The following KIF6 variants were observed in gnomAD, a reference collection of about 807,000 sequenced individuals.
KIF6 encodes kinesin family member 6, also known as kinesin-like protein KIF6.
KIF6 carries 106 observed loss-of-function variants against 112.7 expected under a neutral mutation model. The observed-to-expected ratio is 0.94, with a 90% CI of 0.80 to 1.11. The LOEUF is 1.11. Ranked by LOEUF, KIF6 falls within the 50% of genes least tolerant of loss-of-function variation. The probability of loss-of-function intolerance (pLI) is 0.00; values close to 1 mark genes in which losing one functional copy is unlikely to be tolerated. For synonymous variants in KIF6, 339 were observed against 339.9 expected, an observed-to-expected ratio of 1.00 and a Z score of 0.03; for missense variants, 929 against 964.0, an observed-to-expected ratio of 0.96 and a Z score of 0.48.
chr6:39,369,603 C>T (rs1765814720), intron 16 of KIF6, among the ~76,000 whole-genome samples: 2 of 152,154 alleles, frequency 1.3e-5, no homozygotes, highest in South Asian at 2.1e-4. Flanking sequence ...CCAAGGTTGT[C>T]CCCCAGGGAT....
intron 5 of KIF6, among the ~76,000 whole-genome samples, chr6:39,621,228 CACACGT>C (rs1433194124): frequency 2.2e-3 from 300 of 135,894 alleles, no homozygotes; most frequent in African/African-American, 6.9e-3. Flanking sequence ...CACACACACA[CACACGT>C]ACACATATAT....
intron 3 of KIF6, among the ~76,000 whole-genome samples, chr6:39,669,559 C>T (rs1786680696): frequency 6.6e-6 from 1 of 152,188 alleles, no homozygotes; most frequent in African/African-American, 2.4e-5. Flanking sequence ...TGTTACCATT[C>T]ATTCATAGCC....
intron 3 of KIF6, among the ~76,000 whole-genome samples, chr6:39,688,252 G>C (rs1466690110): frequency 6.6e-6 from 1 of 152,114 alleles, no homozygotes; most frequent in Non-Finnish European, 1.5e-5. Flanking sequence ...GAGGGCAGGA[G>C]GCAGGTTACT....
At chr6:39,392,495 T>C (rs1302090562) in intron 15 of KIF6, among the ~76,000 whole-genome samples, 1 of 152,244 alleles carries the variant, frequency 6.6e-6, no homozygotes, top group African/African-American at 2.4e-5. Context: ...TTGAGGATAC[T>C]TAACGAGATT....
At chr6:39,698,722 A>T (rs160033) in intron 3 of KIF6, among the ~76,000 whole-genome samples, 2 of 152,288 alleles carry the variant, frequency 1.3e-5, no homozygotes, top group African/African-American at 4.8e-5. Flanking sequence ...AGCCATTGGG[A>T]TTTTCTTATT....
chr6:39,534,802 C>A (rs13200342), intron 13 of KIF6, among the ~76,000 whole-genome samples: 35,892 of 152,008 alleles, frequency 0.24, 5,238 homozygotes, highest in African/African-American at 0.4. Flanking sequence ...ATGTTAAGGG[C>A]AGCCAGGGAG....
In KIF6 at chr6:39,420,150, G is replaced by A. The variant is rs1770247384; in HGVS notation, c.1755-147C>T. On this transcript the variant is annotated intron_variant, in intron 14 of 22. Coordinates refer to ENST00000287152, the MANE Select transcript of KIF6 (RefSeq NM_145027.6). ...AAATCTAAATAAGTAAAATATATTA[G>A]GCTTAAAAATAGAGAGAAAATTGGT... 4 of 622,894 alleles carry A rather than the reference G, an allele frequency of 6.4e-6. No individual in the cohort carries two copies. In the South Asian group the frequency reaches 8.3e-5, roughly 13 times the overall value. The allele number at this position is 622,894 out of a possible 1,614,324, so 38.6% of individuals were successfully genotyped here.
chr6:39,343,220 C>G lies in KIF6; in HGVS notation c.2428+489G>C. ...CCTGTTGTCTGACACGCCACTCTTACTTCCTCTGTGATTGTTATGGTGTCC... is the reference window on the plus strand; with the variant it reads ...CCTGTTGTCTGACACGCCACTCTTAGTTCCTCTGTGATTGTTATGGTGTCC... On this transcript the variant is annotated intron_variant, in intron 22 of 22. Transcript: ENST00000287152. The surrounding 1 kb of genome is among the most constrained non-coding windows in gnomAD (Gnocchi z 4.1). The G allele has an allele frequency of 1.6e-6, 2 of 1,230,882 alleles. No individual in the cohort carries two copies. The highest frequency in any genetic ancestry group is 2.1e-6 in the Non-Finnish European group (2 of 962,774). The allele number at this position is 1,230,882 out of a possible 1,614,324, so 76.2% of individuals were successfully genotyped here.
At chr6:39,698,688 T>C (rs1288570277) in intron 3 of KIF6, among the ~76,000 whole-genome samples, 1 of 152,228 alleles carries the variant, frequency 6.6e-6, no homozygotes, top group Non-Finnish European at 1.5e-5. Flanking sequence ...AAATAAATAT[T>C]CTTAACAAGC....
intron 13 of KIF6, among the ~76,000 whole-genome samples, chr6:39,483,404 C>A (rs1208824953): frequency 6.6e-6 from 1 of 152,166 alleles, no homozygotes; most frequent in African/African-American, 2.4e-5. Flanking sequence ...CACCCAGCTC[C>A]ACATTTGATT....
chr6:39,464,425 A>C (rs1773668959), intron 13 of KIF6, among the ~76,000 whole-genome samples: 1 of 152,224 alleles, frequency 6.6e-6, no homozygotes. Context: ...TGTCTGCTTT[A>C]GATCAGCCAG....
intron 13 of KIF6, among the ~76,000 whole-genome samples, chr6:39,499,283 G>A (rs1775969522): frequency 6.6e-6 from 1 of 152,140 alleles, no homozygotes; most frequent in Admixed American, 6.5e-5. Context: ...CTTCCTGGAG[G>A]TGGTGGCACA....
At chr6:39,650,702 T>C (rs1785423575) in intron 3 of KIF6, among the ~76,000 whole-genome samples, 1 of 152,038 alleles carries the variant, frequency 6.6e-6, no homozygotes, top group Non-Finnish European at 1.5e-5. Context: ...AACCACAAAA[T>C]TTTATACAAC....
intron 19 of KIF6, among the ~76,000 whole-genome samples, chr6:39,347,168 A>C (rs904709445): frequency 3.3e-5 from 5 of 152,246 alleles, no homozygotes; most frequent in Non-Finnish European, 7.3e-5. Flanking sequence ...GAAATTCTAA[A>C]GTTATCCAGC....
chr6:39,342,852 T>G lies in KIF6; in HGVS notation c.2428+857A>C. 4.1e-6 allele frequency: 4 copies of G among 985,364 alleles called. No individual in the cohort carries two copies. The highest frequency in any genetic ancestry group is 4.8e-6 in the Non-Finnish European group (4 of 829,906). The allele number at this position is 985,364 out of a possible 1,614,324, so 61.0% of individuals were successfully genotyped here. ...TGCACAAACCTCTTCCTGCCCAAAC[T>G]GCACACGGCTGGTGGAGAAGCTGAG... On this transcript the variant is annotated intron_variant, in intron 22 of 22. Coordinates refer to ENST00000287152, the MANE Select transcript of KIF6 (RefSeq NM_145027.6). The surrounding 1 kb of genome is among the most constrained non-coding windows in gnomAD (Gnocchi z 4.7).
At position 39,357,302 on chromosome 6, in the gene KIF6, A is replaced by G. The variant is rs20455; in HGVS notation, c.2155T>C (p.Trp719Arg). 622,475 of 1,611,174 alleles carry G rather than the reference A, an allele frequency of 0.39. 129,068 individuals carry two copies. Among genetic ancestry groups the G allele is most frequent in the African/African-American group, 0.8 (60,194 of 74,874 alleles). ...CTTTTGTTAGAGAGGAGTTGGGACC[A>G]TTCATGCTGGGAGTCAGATGTCTGG... is the stretch of plus-strand genomic sequence containing the variant. ...FLQTSDSQHE[W>R]SQLLSNKSSG... is the part of the protein sequence containing the mutation. The change falls in exon 19 of 23, where the codon TGG (tryptophan) becomes CGG (arginine). Residue 719 changes from tryptophan to arginine, a missense_variant. Physicochemically the swap from Trp to Arg is moderately radical, Grantham distance 101. This residue lies in a region of KIF6 where 241 missense variants were observed against 301.4 expected (regional missense o/e 0.80). Coordinates refer to ENST00000287152, the MANE Select transcript of KIF6 (RefSeq NM_145027.6).
intron 3 of KIF6, 125 bp from the exon 4 acceptor site, chr6:39,639,882 A>C (rs1784820121): frequency 1.4e-6 from 1 of 739,804 alleles, no homozygotes. Flanking sequence ...ATATCTATTA[A>C]AAATTTATAT....
rs968770003 is a variant in KIF6, at chr6:39,333,718, C to T, written c.*2814G>A. On this transcript the variant is annotated 3_prime_UTR_variant, in exon 23 of 23. Coordinates refer to ENST00000287152, the MANE Select transcript of KIF6 (RefSeq NM_145027.6). ...TCTGCTTTCTAAAACTCCTTTTTAG[C>T]AAGATCTGGGCAAGCTACATTTTAA... 6.6e-6 allele frequency: 1 copy of T among 152,230 alleles called. No individual in the cohort carries two copies. The highest frequency in any genetic ancestry group is 1.5e-5 in the Non-Finnish European group (1 of 68,044). 9.4% of individuals were successfully genotyped at this position (152,230 alleles called of 1,614,324 possible). A position where few individuals can be genotyped will look rare whatever the true frequency, so the allele number is the denominator to read the frequency against.
rs116778716 is a variant in KIF6, at chr6:39,616,757, C to T, written c.510-3439G>A. On this transcript the variant is annotated intron_variant, in intron 5 of 22. Transcript: ENST00000287152. ...CATGCCTTTGCTCATAGAAGCCCAG[C>T]CTGAGCCATGCCCTGGGCACTACGT... is the stretch of plus-strand genomic sequence containing the variant. 4.6e-3 allele frequency among the ~76,000 whole-genome samples: 694 copies of T among 152,316 alleles called. 6 individuals carry two copies. Among genetic ancestry groups the T allele is most frequent in the African/African-American group, 0.015 (642 of 41,576 alleles).
Sources: allele counts gnomAD v4.1 joint callset (sites outside exome capture counted in the v4.1 genomes callset), GRCh38; gene constraint gnomAD v4.1.1; regional missense constraint gnomAD v4.1.1; non-coding constraint Gnocchi (gnomAD v3.1); transcripts MANE v1.5; gene names NCBI Gene and HGNC (gene_info 2026-07-23, HGNC 2026-07-21).